The following TANGO6 variants were observed in gnomAD, a reference collection of about 807,000 sequenced individuals.
TANGO6 encodes the protein transport and golgi organization 6 homolog.
TANGO6 carries 90 observed loss-of-function variants against 114.2 expected under a neutral mutation model. The observed-to-expected ratio is 0.79, with a 90% CI of 0.66 to 0.94. The LOEUF (loss-of-function observed/expected upper bound fraction) is 0.94. Among genes scored for constraint, TANGO6 ranks in the 40% least tolerant of loss-of-function variants. The pLI, the probability that TANGO6 is intolerant of heterozygous loss-of-function variation, is 0.00. For synonymous variants in TANGO6, 477 were observed against 509.8 expected (o/e 0.94, Z 0.87); for missense variants, 1,274 against 1,315.3 (o/e 0.97, Z 0.49).
At chr16:69,027,258 T>C (rs1470895016) in intron 16 of TANGO6, among the ~76,000 whole-genome samples, 3 of 152,206 alleles carry the variant, frequency 2.0e-5, no homozygotes, top group African/African-American at 7.2e-5. Context: ...ATTTATGGTA[T>C]TTCCTGATTC....
chr16:68,983,219 A>G (rs1036590501), intron 15 of TANGO6, among the ~76,000 whole-genome samples: 2 of 152,104 alleles, frequency 1.3e-5, no homozygotes, highest in Non-Finnish European at 2.9e-5. Flanking sequence ...CTTGGTGGAA[A>G]AACAATTTAT....
intron 1 of TANGO6, among the ~76,000 whole-genome samples, chr16:68,847,180 G>A (rs1434645596): frequency 6.6e-5 from 10 of 152,074 alleles, no homozygotes; most frequent in African/African-American, 1.7e-4. Flanking sequence ...GTGAGCCACC[G>A]CGCCCGGCCA....
intron 7 of TANGO6, among the ~76,000 whole-genome samples, chr16:68,886,784 T>C (rs1366759155): frequency 6.6e-6 from 1 of 151,406 alleles, no homozygotes; most frequent in Non-Finnish European, 1.5e-5. Flanking sequence ...GTGCTGGGAT[T>C]ATAGGCATGA....
chr16:69,067,207 AT>A (rs1176991704), intron 17 of TANGO6, among the ~76,000 whole-genome samples: 6 of 151,132 alleles, frequency 4.0e-5, no homozygotes, highest in South Asian at 2.1e-4. Flanking sequence ...TACAAAAAAA[AT>A]TTTTTTTTTA....
At chr16:69,043,283 AGT>A (rs57443398) in intron 17 of TANGO6, among the ~76,000 whole-genome samples, 19,361 of 146,554 alleles carry the variant, frequency 0.13, 1,296 homozygotes, top group African/African-American at 0.14. Context: ...AGACAGAGCG[AGT>A]GTGTGTGTGT....
intron 7 of TANGO6, among the ~76,000 whole-genome samples, chr16:68,882,531 C>A (rs1962479097): frequency 6.6e-6 from 1 of 151,462 alleles, no homozygotes; most frequent in Non-Finnish European, 1.5e-5. Context: ...CATAGAAAAA[C>A]CTGTATGTGA....
At chr16:68,854,702 A>T (rs1961958189) in intron 1 of TANGO6, among the ~76,000 whole-genome samples, 1 of 147,264 alleles carries the variant, frequency 6.8e-6, no homozygotes, top group Non-Finnish European at 1.5e-5. Flanking sequence ...AGTTGTATTG[A>T]TTTCATATCT....
intron 3 of TANGO6, 48 bp downstream of exon 3, chr16:68,863,109 G>A (rs1339342631): frequency 8.7e-7 from 1 of 1,154,854 alleles, no homozygotes; most frequent in South Asian, 1.7e-5. Flanking sequence ...ATGATAATGT[G>A]TGGTTTGCTG....
At chr16:68,954,141 T>C (rs1963502467) in intron 14 of TANGO6, among the ~76,000 whole-genome samples, 1 of 150,938 alleles carries the variant, frequency 6.6e-6, no homozygotes, top group South Asian at 2.1e-4. Flanking sequence ...TCCCAGCCAC[T>C]TGGGAGGCTG....
intron 14 of TANGO6, among the ~76,000 whole-genome samples, chr16:68,964,552 A>G: frequency 6.6e-6 from 1 of 151,526 alleles, no homozygotes. Context: ...CAGTTATTTA[A>G]AAACATATTA....
chr16:68,880,398 A>G (rs1962440787), intron 6 of TANGO6, 150 bp from the exon 7 acceptor site: 2 of 479,342 alleles, frequency 4.2e-6, no homozygotes, highest in Non-Finnish European at 7.4e-6. Flanking sequence ...TGAAATGTGT[A>G]TGAATTGTGT....
At chr16:68,925,780 T>G (rs1163268814) in intron 12 of TANGO6, among the ~76,000 whole-genome samples, 2 of 152,072 alleles carry the variant, frequency 1.3e-5, no homozygotes, top group Non-Finnish European at 2.9e-5. Context: ...TTCAAGTTAA[T>G]TTTTGTGCAA....
At chr16:68,947,768 T>A (rs1393899536) in intron 14 of TANGO6, among the ~76,000 whole-genome samples, 1 of 151,918 alleles carries the variant, frequency 6.6e-6, no homozygotes, top group African/African-American at 2.4e-5. Flanking sequence ...ATTTTTGTAT[T>A]TTTAGTAGAG....
At position 68,880,754 on chromosome 16, in the gene TANGO6, G is replaced by A. The variant is rs973653958; in HGVS notation, c.1377+124G>A. The A allele has an allele frequency of 1.7e-5, 9 of 525,370 alleles. 1 individual carries two copies. Among genetic ancestry groups the A allele is most frequent in the Middle Eastern group, 5.3e-4 (1 of 1,874 alleles). 32.5% of individuals were successfully genotyped at this position (525,370 alleles called of 1,614,324 possible). ...TGCCCAGTCTGGTCTTGAACTCCTG[G>A]CCTCAAGCGATCCTCCTTCCTTAGC... On this transcript the variant is annotated intron_variant, in intron 7 of 17. Transcript: ENST00000261778.
intron 16 of TANGO6, among the ~76,000 whole-genome samples, chr16:69,024,413 C>T (rs1181941582): frequency 3.3e-5 from 5 of 151,950 alleles, no homozygotes; most frequent in South Asian, 2.1e-4. Context: ...GGATTACAGG[C>T]GCATGCCACT....
At position 69,040,375 on chromosome 16, in the gene TANGO6, A is replaced by C; in HGVS notation, c.3062A>C (p.His1021Pro). The change falls in exon 17 of 18, where the codon CAT becomes CCT. Residue 1021 changes from histidine (H) to proline (P), a missense_variant. Coordinates refer to ENST00000261778, the MANE Select transcript of TANGO6 (RefSeq NM_024562.2). ...GEVQVRRAAI[H>P]VVVLLLRGLS... ...GTTCAAGTACGCAGAGCTGCCATACATGTGGTTGTGCTGCTGCTTCGGGGA... is the reference window on the plus strand; with the variant it reads ...GTTCAAGTACGCAGAGCTGCCATACCTGTGGTTGTGCTGCTGCTTCGGGGA... The C allele has an allele frequency of 6.2e-7, 1 of 1,609,450 alleles. No homozygotes were observed.
At chr16:68,878,071 T>TA (rs750533038) in intron 5 of TANGO6, 47 bp from the exon 6 acceptor site, 1 of 1,544,928 alleles carries the variant, frequency 6.5e-7, no homozygotes, top group African/African-American at 1.4e-5. Flanking sequence ...GTTACTGTCA[T>TA]ATTCCTTGCA....
intron 17 of TANGO6, among the ~76,000 whole-genome samples, chr16:69,068,207 G>T (rs1201319400): frequency 6.6e-6 from 1 of 152,008 alleles, no homozygotes; most frequent in East Asian, 1.9e-4. Flanking sequence ...GGGAGCCTGA[G>T]GCAGGAGGAT....
At chr16:69,038,950 G>A (rs529888787) in intron 16 of TANGO6, among the ~76,000 whole-genome samples, 4 of 152,182 alleles carry the variant, frequency 2.6e-5, no homozygotes, top group East Asian at 1.9e-4. Flanking sequence ...TTGGGAGGCC[G>A]AGGTGGGCAG....
Sources: allele counts gnomAD v4.1 joint callset (sites outside exome capture counted in the v4.1 genomes callset), GRCh38; gene constraint gnomAD v4.1.1; transcripts MANE v1.5; gene names NCBI Gene and HGNC (gene_info 2026-07-23, HGNC 2026-07-21).